LINC00305: variants seen among roughly 807,000 people sequenced by gnomAD.
LINC00305 encodes the protein long independently transcribed non-coding RNA 305.
intron 1 of LINC00305, among the ~76,000 whole-genome samples, chr18:64,132,938 G>A (rs1046818293): frequency 6.6e-6 from 1 of 152,210 alleles, no homozygotes; most frequent in African/African-American, 2.4e-5. Flanking sequence ...GCCTGGCTGT[G>A]TGGCCAGCTG....
intron 1 of LINC00305, among the ~76,000 whole-genome samples, chr18:64,143,597 T>C (rs1404799190): frequency 1.1e-5 from 1 of 91,434 alleles, no homozygotes; most frequent in Non-Finnish European, 2.4e-5. Flanking sequence ...TATGTACACA[T>C]ATGTATATGT....
At chr18:64,111,907 A>C (rs2051316217) in intron 1 of LINC00305, among the ~76,000 whole-genome samples, 1 of 152,240 alleles carries the variant, frequency 6.6e-6, no homozygotes, top group African/African-American at 2.4e-5. Context: ...CAAACTTATC[A>C]CAAAATCAAG....
intron 1 of LINC00305, among the ~76,000 whole-genome samples, chr18:64,140,229 G>T (rs2051455311): frequency 6.6e-6 from 1 of 150,886 alleles, no homozygotes; most frequent in African/African-American, 2.4e-5. Flanking sequence ...TTTTTTTTGA[G>T]ACAGAGTCTC....
chr18:64,136,186 G>A lies in LINC00305; in HGVS notation n.314+12589C>T, dbSNP rs76840400. ...TAATGCTAGTTAAAAATGTGTTTTC[G>A]TCCTTACTGATTGTGTGTGTATGAT... On this transcript the variant is annotated intron_variant and non_coding_transcript_variant, in intron 1 of 3. Coordinates refer to ENST00000666468, the Ensembl canonical transcript of LINC00305. Among the ~76,000 whole-genome samples the A allele has an allele frequency of 2.3e-3, 354 of 152,248 alleles. 2 individuals carry two copies. Among genetic ancestry groups the A allele is most frequent in the African/African-American group, 7.7e-3 (320 of 41,536 alleles).
At chr18:64,099,259 A>G (rs1422003161) in intron 1 of LINC00305, among the ~76,000 whole-genome samples, 1 of 152,198 alleles carries the variant, frequency 6.6e-6, no homozygotes. Flanking sequence ...CATTTCATAC[A>G]TGTGTACTCT....
At chr18:64,097,672 G>A (rs1454136654) in intron 3 of LINC00305, among the ~76,000 whole-genome samples, 1 of 151,986 alleles carries the variant, frequency 6.6e-6, no homozygotes, top group East Asian at 1.9e-4. Flanking sequence ...GGTCAGAAGA[G>A]GGAGCTTTTA....
intron 1 of LINC00305, among the ~76,000 whole-genome samples, chr18:64,125,984 C>T (rs975695135): frequency 1.3e-5 from 2 of 152,110 alleles, no homozygotes; most frequent in African/African-American, 4.8e-5. Context: ...TTCTCAGCCT[C>T]CAGAACTGTG....
At chr18:64,086,996 G>C (rs77940776) in intron 3 of LINC00305, among the ~76,000 whole-genome samples, 2,963 of 152,004 alleles carry the variant, frequency 0.019, 100 homozygotes, top group African/African-American at 0.069. Flanking sequence ...GGAAAGAGAG[G>C]GTCTATAATG....
chr18:64,126,565 G>A (rs2051386334), intron 1 of LINC00305, among the ~76,000 whole-genome samples: 1 of 152,090 alleles, frequency 6.6e-6, no homozygotes, highest in Non-Finnish European at 1.5e-5. Context: ...ATTGCTCAGA[G>A]CTGCCCTTAA....
intron 3 of LINC00305, among the ~76,000 whole-genome samples, chr18:64,080,718 T>A (rs2051181700): frequency 6.6e-6 from 1 of 152,112 alleles, no homozygotes; most frequent in East Asian, 1.9e-4. Flanking sequence ...CAATGATAAG[T>A]GAAAGATGTT....
intron 2 of LINC00305, chr18:64,098,429 G>T (rs2051255367): frequency 1.9e-5 from 7 of 368,022 alleles, no homozygotes; most frequent in South Asian, 1.5e-4. Flanking sequence ...TTTACATCTT[G>T]AAACAGAAGT....
At chr18:64,083,022 TA>T (rs1171587584) in intron 3 of LINC00305, among the ~76,000 whole-genome samples, 1 of 152,130 alleles carries the variant, frequency 6.6e-6, no homozygotes, top group African/African-American at 2.4e-5. Context: ...TAAATTGTAT[TA>T]AAAATTTTAC....
intron 3 of LINC00305, among the ~76,000 whole-genome samples, chr18:64,083,156 A>C (rs2051191101): frequency 6.6e-6 from 1 of 152,092 alleles, no homozygotes; most frequent in African/African-American, 2.4e-5. Flanking sequence ...CCCTTTAATA[A>C]ATATTTTAAA....
At chr18:64,121,997 C>G (rs955555384) in intron 1 of LINC00305, among the ~76,000 whole-genome samples, 1 of 152,036 alleles carries the variant, frequency 6.6e-6, no homozygotes, top group East Asian at 1.9e-4. Flanking sequence ...TGAGAAATGT[C>G]TATTAATGTC....
At chr18:64,111,271 C>T (rs1390351606) in intron 1 of LINC00305, among the ~76,000 whole-genome samples, 1 of 152,166 alleles carries the variant, frequency 6.6e-6, no homozygotes, top group Non-Finnish European at 1.5e-5. Context: ...TCAAGACCAG[C>T]TGTCAGTGTG....
chr18:64,125,044 G>T (rs1203560292), intron 1 of LINC00305, among the ~76,000 whole-genome samples: 1 of 152,008 alleles, frequency 6.6e-6, no homozygotes, highest in East Asian at 1.9e-4. Flanking sequence ...CTCTGACACT[G>T]CTCACAGTGA....
chr18:64,089,104 A>T (rs1369404538), intron 3 of LINC00305, among the ~76,000 whole-genome samples: 1 of 152,174 alleles, frequency 6.6e-6, no homozygotes, highest in Non-Finnish European at 1.5e-5. Context: ...CTGTGTCCCC[A>T]CTCAAATCTC....
chr18:64,129,905 G>C (rs1238006276), intron 1 of LINC00305, among the ~76,000 whole-genome samples: 2 of 151,720 alleles, frequency 1.3e-5, no homozygotes, highest in Non-Finnish European at 2.9e-5. Context: ...AAAAGAAAAA[G>C]GGGCTTAAAG....
At chr18:64,093,729 G>A (rs2051234073) in intron 3 of LINC00305, among the ~76,000 whole-genome samples, 11 of 152,166 alleles carry the variant, frequency 7.2e-5, no homozygotes, top group Admixed American at 7.2e-4. Context: ...TTCTGCTATA[G>A]GCAAGAGAGT....
Sources: allele counts gnomAD v4.1 joint callset (sites outside exome capture counted in the v4.1 genomes callset), GRCh38; gene constraint gnomAD v4.1.1; transcripts MANE v1.5; gene names NCBI Gene and HGNC (gene_info 2026-07-23, HGNC 2026-07-21).